SDK1: variants seen among roughly 807,000 people sequenced by gnomAD.
SDK1 encodes sidekick cell adhesion molecule 1.
Under a neutral mutation model 245.5 loss-of-function variants are expected in SDK1, and 157 were observed. That is an observed-to-expected ratio of 0.64 (90% confidence interval 0.56 to 0.73). The LOEUF is 0.73. Among genes scored for constraint, SDK1 ranks in the 30% least tolerant of loss-of-function variants. SDK1 has a pLI of 0.00. For synonymous variants in SDK1, 1,647 were observed against 1,278.5 expected, an observed-to-expected ratio of 1.29 and a Z score of -6.15; for missense variants, 3,583 against 3,002.3, an observed-to-expected ratio of 1.19 and a Z score of -4.52.
At chr7:3,722,581 A>G (rs181132157) in intron 4 of SDK1, among the ~76,000 whole-genome samples, 1 of 152,248 alleles carries the variant, frequency 6.6e-6, no homozygotes, top group East Asian at 1.9e-4. Flanking sequence ...TTAGGGATGC[A>G]CTGTGTGTAC....
In SDK1 at chr7:3,357,240, G is replaced by T. The variant is rs956595241; in HGVS notation, c.298+55356G>T. ...TCTAGAGACTCTGGATGCTTCTGTT[G>T]TTGATGTATATGTGCACACTCACAG... On this transcript the variant is annotated intron_variant, in intron 1 of 44. Transcript: ENST00000404826. Among the ~76,000 whole-genome samples the T allele has an allele frequency of 4.8e-5, 7 of 145,930 alleles. No homozygotes were observed. In the East Asian group the frequency reaches 8.5e-4, roughly 18 times the overall value.
intron 35 of SDK1, among the ~76,000 whole-genome samples, 164 bp downstream of exon 35, chr7:4,178,750 G>A (rs756514057): frequency 6.6e-6 from 1 of 152,248 alleles, no homozygotes; most frequent in Non-Finnish European, 1.5e-5. Context: ...GGAAAGATGG[G>A]CTCAGCTGAG....
chr7:3,602,163 A>C (rs1212231488), intron 1 of SDK1, among the ~76,000 whole-genome samples: 7 of 152,028 alleles, frequency 4.6e-5, no homozygotes, highest in African/African-American at 9.6e-5. Flanking sequence ...TTTATAGCAC[A>C]ATGATTTATA....
intron 4 of SDK1, among the ~76,000 whole-genome samples, chr7:3,765,890 C>A (rs1211211603): frequency 6.6e-6 from 1 of 152,140 alleles, no homozygotes; most frequent in Non-Finnish European, 1.5e-5. Context: ...TTGAGTCCAG[C>A]AGGATTCAGA....
chr7:4,200,712 G>A (rs1218745945), intron 35 of SDK1, among the ~76,000 whole-genome samples: 1 of 152,200 alleles, frequency 6.6e-6, no homozygotes, highest in Non-Finnish European at 1.5e-5. Flanking sequence ...CAGGAGAGAT[G>A]GCACAGGCTC....
At chr7:3,347,191 C>G (rs936106324) in intron 1 of SDK1, among the ~76,000 whole-genome samples, 1 of 151,844 alleles carries the variant, frequency 6.6e-6, no homozygotes, top group Non-Finnish European at 1.5e-5. Context: ...CCACTTCTTC[C>G]AAGAACTCTT....
At chr7:3,530,024 A>T (rs1312187483) in intron 1 of SDK1, among the ~76,000 whole-genome samples, 43 of 152,298 alleles carry the variant, frequency 2.8e-4, no homozygotes, top group African/African-American at 8.4e-4. Flanking sequence ...TATTCCTTAG[A>T]ATAGAGTTCT....
intron 5 of SDK1, among the ~76,000 whole-genome samples, chr7:3,908,437 G>A (rs188251866): frequency 6.6e-6 from 1 of 152,318 alleles, no homozygotes; most frequent in South Asian, 2.1e-4. Context: ...CGGCTGGCCA[G>A]ATGCTCACCC....
chr7:3,604,388 A>G (rs1026220724), intron 1 of SDK1, among the ~76,000 whole-genome samples: 1 of 151,944 alleles, frequency 6.6e-6, no homozygotes, highest in Non-Finnish European at 1.5e-5. Context: ...ATTTATTTTC[A>G]CTTTCCTTCT....
At chr7:3,788,289 C>A (rs1276130507) in intron 4 of SDK1, among the ~76,000 whole-genome samples, 1 of 152,188 alleles carries the variant, frequency 6.6e-6, no homozygotes, top group Non-Finnish European at 1.5e-5. Context: ...CCTGGTCTCA[C>A]CTTGTGTCTC....
chr7:3,977,980 C>T (rs560327251), intron 13 of SDK1, among the ~76,000 whole-genome samples: 2 of 152,160 alleles, frequency 1.3e-5, no homozygotes, highest in African/African-American at 4.8e-5. Context: ...CATGGGTATA[C>T]AAGTAAGCTC....
intron 44 of SDK1, among the ~76,000 whole-genome samples, chr7:4,249,844 G>T (rs1162501702): frequency 2.0e-5 from 3 of 152,200 alleles, no homozygotes; most frequent in African/African-American, 7.2e-5. Flanking sequence ...CATTCACTTT[G>T]AACCACTGTT....
intron 4 of SDK1, among the ~76,000 whole-genome samples, chr7:3,783,183 T>C (rs1462269251): frequency 6.6e-6 from 1 of 152,194 alleles, no homozygotes; most frequent in African/African-American, 2.4e-5. Context: ...TTATAAAAAT[T>C]CTCGGCAAAT....
chr7:3,730,802 T>A (rs1779153909), intron 4 of SDK1, among the ~76,000 whole-genome samples: 2 of 152,140 alleles, frequency 1.3e-5, no homozygotes, highest in Non-Finnish European at 2.9e-5. Context: ...GGAGAGGACA[T>A]ATAACCCTCT....
intron 1 of SDK1, among the ~76,000 whole-genome samples, chr7:3,498,051 C>G (rs576472810): frequency 6.6e-6 from 1 of 152,300 alleles, no homozygotes; most frequent in East Asian, 1.9e-4. Context: ...ACTAACACTC[C>G]AAAAGTTGGC....
At chr7:3,906,699 C>A (rs1338367603) in intron 5 of SDK1, among the ~76,000 whole-genome samples, 1 of 131,948 alleles carries the variant, frequency 7.6e-6, no homozygotes, top group Non-Finnish European at 1.5e-5. Flanking sequence ...AAGATCTCGG[C>A]TCACTGCAAC....
chr7:3,726,486 A>G lies in SDK1; in HGVS notation c.713+84381A>G, dbSNP rs549529035. Among the ~76,000 whole-genome samples the G allele has an allele frequency of 9.3e-4, 141 of 152,364 alleles. No homozygotes were observed. In the Middle Eastern group the frequency reaches 0.014, roughly 15 times the overall value. ...CCCTTTTGCATGTTTTCCTGTAGGAAGTAAATGAATTCTTTGTTTTGTATT... is the reference window on the plus strand; with the variant it reads ...CCCTTTTGCATGTTTTCCTGTAGGAGGTAAATGAATTCTTTGTTTTGTATT... On this transcript the variant is annotated intron_variant, in intron 4 of 44. Transcript: ENST00000404826.
At chr7:3,595,204 C>T (rs1781014130) in intron 1 of SDK1, among the ~76,000 whole-genome samples, 1 of 149,294 alleles carries the variant, frequency 6.7e-6, no homozygotes, top group Non-Finnish European at 1.5e-5. Flanking sequence ...TTTTTTCTGC[C>T]ATATTGGTGA....
intron 4 of SDK1, among the ~76,000 whole-genome samples, chr7:3,752,546 C>T (rs963191116): frequency 1.3e-5 from 2 of 152,122 alleles, no homozygotes; most frequent in African/African-American, 2.4e-5. Context: ...AAATCAAAAA[C>T]GTGCCAGCAG....
Sources: gnomAD v4.1 joint callset for allele counts (sites outside exome capture counted in the v4.1 genomes callset) on GRCh38, gnomAD v4.1.1 for gene constraint, MANE v1.5 for transcripts, NCBI Gene and HGNC (gene_info 2026-07-23, HGNC 2026-07-21) for gene names.